The following ZNF804B variants were observed in gnomAD, a reference collection of about 807,000 sequenced individuals.
The protein encoded by ZNF804B is zinc finger protein 804B.
A neutral mutation model predicts 101.4 loss-of-function variants in ZNF804B; 80 were observed. The observed-to-expected ratio is 0.79, with a 90% CI of 0.66 to 0.95. The LOEUF is 0.95. Among genes scored for constraint, ZNF804B ranks in the 40% least tolerant of loss-of-function variants. ZNF804B has a pLI of 0.00. For synonymous variants in ZNF804B, 622 were observed against 558.8 expected (o/e 1.11, Z -1.59); for missense variants, 1,673 against 1,561.9 (o/e 1.07, Z -1.20).
At chr7:88,962,744 T>TATAC (rs1793406293) in intron 1 of ZNF804B, among the ~76,000 whole-genome samples, 1 of 137,910 alleles carries the variant, frequency 7.3e-6, no homozygotes, top group African/African-American at 2.6e-5. Context: ...TATATATATA[T>TATAC]ATATGAATAC....
In ZNF804B at chr7:89,327,369, A is replaced by G. The variant is rs765158739; in HGVS notation, c.275A>G (p.Glu92Gly). 1 of 1,607,258 alleles carries G rather than the reference A, an allele frequency of 6.2e-7. No individual in the cohort carries two copies. Among genetic ancestry groups the G allele is most frequent in the Admixed American group, 1.7e-5 (1 of 59,058 alleles). Residue 92 changes from glutamate to glycine, a missense_variant, in exon 3 of 4, where the codon GAA becomes GGA. Glu to Gly is a moderately conservative substitution (Grantham distance 98). Coordinates refer to ENST00000333190, the MANE Select transcript of ZNF804B (RefSeq NM_181646.5). The part of the protein sequence containing the change: ...KQRLKELKQR[E>G]FARNVASKSW... Reference sequence around the variant, plus strand: ...AGACTGAAAGAATTAAAGCAACGGGAATTTGCTCGAAATGTAGCTTCTAAG... The same window carrying G: ...AGACTGAAAGAATTAAAGCAACGGGGATTTGCTCGAAATGTAGCTTCTAAG...
intron 1 of ZNF804B, among the ~76,000 whole-genome samples, chr7:88,841,412 A>G (rs1331671612): frequency 2.0e-5 from 3 of 152,186 alleles, no homozygotes; most frequent in Non-Finnish European, 4.4e-5. Context: ...AGCCACAATA[A>G]AAACTATGGA....
At chr7:89,097,211 G>T (rs956798130) in intron 1 of ZNF804B, among the ~76,000 whole-genome samples, 1 of 152,284 alleles carries the variant, frequency 6.6e-6, no homozygotes, top group Admixed American at 6.5e-5. Flanking sequence ...GAACTGTTGT[G>T]ACTACTTCAG....
At chr7:89,215,991 A>G (rs994554480) in intron 1 of ZNF804B, among the ~76,000 whole-genome samples, 1 of 152,062 alleles carries the variant, frequency 6.6e-6, no homozygotes, top group African/African-American at 2.4e-5. Context: ...TTATACTAAG[A>G]AAGGACATGA....
chr7:89,178,246 G>T (rs894864399), intron 1 of ZNF804B, among the ~76,000 whole-genome samples: 1 of 150,756 alleles, frequency 6.6e-6, no homozygotes, highest in African/African-American at 2.4e-5. Context: ...TTTTGATTGG[G>T]TAGTTTCATC....
Position 88,922,824 on chromosome 7 carries a change from A to AT in ZNF804B, c.108+162747dup, listed in dbSNP as rs572333181. On this transcript the variant is annotated intron_variant, in intron 1 of 3. Transcript: ENST00000333190. The stretch of plus-strand genomic sequence containing the variant: ...AGGCATTTTTTTCAATTATGACTTC[A>AT]TTTTTTTAGTATAATGATTTCAATA... Among the ~76,000 whole-genome samples, 737 of 152,084 alleles carry AT rather than the reference A, an allele frequency of 4.8e-3. 9 individuals are homozygous for AT. Among genetic ancestry groups the AT allele is most frequent in the African/African-American group, 0.017 (690 of 41,520 alleles).
chr7:89,267,785 A>G (rs532823810), intron 2 of ZNF804B, among the ~76,000 whole-genome samples: 5 of 152,300 alleles, frequency 3.3e-5, no homozygotes, highest in African/African-American at 7.2e-5. Context: ...TCCTCTAAAT[A>G]TATTTGTTTC....
At chr7:88,803,573 A>G (rs1790640780) in intron 1 of ZNF804B, among the ~76,000 whole-genome samples, 1 of 152,178 alleles carries the variant, frequency 6.6e-6, no homozygotes, top group African/African-American at 2.4e-5. Context: ...GAGGTTAGGA[A>G]TGCAAGGATT....
chr7:89,083,475 C>T (rs1789727316), intron 1 of ZNF804B, among the ~76,000 whole-genome samples: 2 of 151,592 alleles, frequency 1.3e-5, no homozygotes, highest in Non-Finnish European at 3.0e-5. Flanking sequence ...AAATAAAAGA[C>T]TAAGGCAAGA....
chr7:88,870,384 CAAAA>C (rs1212123301), intron 1 of ZNF804B, among the ~76,000 whole-genome samples: 2 of 36,078 alleles, frequency 5.5e-5, no homozygotes, highest in African/African-American at 1.2e-4. Context: ...AACTCCGTCT[CAAAA>C]AAAAAAAAAA....
intron 1 of ZNF804B, among the ~76,000 whole-genome samples, chr7:88,859,022 A>G (rs1791611628): frequency 6.6e-6 from 1 of 152,068 alleles, no homozygotes; most frequent in Non-Finnish European, 1.5e-5. Flanking sequence ...ACCATTATGA[A>G]CGCATTAAAT....
intron 1 of ZNF804B, among the ~76,000 whole-genome samples, chr7:89,091,962 A>G (rs1427156056): frequency 6.6e-6 from 1 of 152,044 alleles, no homozygotes; most frequent in Non-Finnish European, 1.5e-5. Flanking sequence ...TCAAGCATTT[A>G]TTTACATCTG....
chr7:89,008,687 G>A (rs1788407640), intron 1 of ZNF804B, among the ~76,000 whole-genome samples: 1 of 151,868 alleles, frequency 6.6e-6, no homozygotes, highest in Admixed American at 6.6e-5. Flanking sequence ...CCCTACTTAA[G>A]AAGAAATATT....
chr7:88,919,319 C>A (rs2115993614), intron 1 of ZNF804B, among the ~76,000 whole-genome samples: 1 of 152,098 alleles, frequency 6.6e-6, no homozygotes, highest in African/African-American at 2.4e-5. Flanking sequence ...CTGATTCATT[C>A]ATTGGAATAA....
intron 1 of ZNF804B, among the ~76,000 whole-genome samples, chr7:89,077,858 A>G (rs1263547946): frequency 6.6e-6 from 1 of 152,114 alleles, no homozygotes; most frequent in Non-Finnish European, 1.5e-5. Context: ...AGTGCTATTC[A>G]CCTTAAAAGT....
chr7:89,184,009 C>G (rs777416016), intron 1 of ZNF804B, among the ~76,000 whole-genome samples: 1 of 152,100 alleles, frequency 6.6e-6, no homozygotes, highest in Non-Finnish European at 1.5e-5. Flanking sequence ...AGCTTCTTGG[C>G]TCTCTAACAT....
Position 89,336,263 on chromosome 7 carries a change from A to G in ZNF804B, c.3281A>G (p.Asp1094Gly). ...GVTDSTETQEDQINLDLQDVS... is the reference protein window; with the variant it reads ...GVTDSTETQEGQINLDLQDVS... ...ACTGATTCAACAGAGACCCAAGAAGACCAAATAAATCTAGACTTACAGGAT... is the reference window on the plus strand; with the variant it reads ...ACTGATTCAACAGAGACCCAAGAAGGCCAAATAAATCTAGACTTACAGGAT... Residue 1094 changes from aspartate to glycine, a missense_variant, in exon 4 of 4, where the codon GAC becomes GGC. Asp to Gly is a moderately conservative substitution (Grantham distance 94). Coordinates refer to ENST00000333190, the MANE Select transcript of ZNF804B (RefSeq NM_181646.5). 2 of 1,613,890 alleles carry G rather than the reference A, an allele frequency of 1.2e-6. No homozygotes were observed. Among genetic ancestry groups the G allele is most frequent in the East Asian group, 4.5e-5 (2 of 44,846 alleles).
At chr7:88,807,096 A>G (rs1016984613) in intron 1 of ZNF804B, among the ~76,000 whole-genome samples, 1 of 152,212 alleles carries the variant, frequency 6.6e-6, no homozygotes, top group Non-Finnish European at 1.5e-5. Flanking sequence ...AGATAACTTT[A>G]TACTTTTAAC....
At chr7:89,275,308 A>C (rs1789964581) in intron 2 of ZNF804B, among the ~76,000 whole-genome samples, 1 of 152,016 alleles carries the variant, frequency 6.6e-6, no homozygotes, top group South Asian at 2.1e-4. Context: ...GAAATACTGT[A>C]ATAGCTTTAT....
Sources: gnomAD v4.1 joint callset for allele counts (sites outside exome capture counted in the v4.1 genomes callset) on GRCh38, gnomAD v4.1.1 for gene constraint, MANE v1.5 for transcripts, NCBI Gene and HGNC (gene_info 2026-07-23, HGNC 2026-07-21) for gene names.